The following CCDC59 variants were observed in gnomAD, a reference collection of about 807,000 sequenced individuals.
The protein encoded by CCDC59 is coiled-coil domain containing 59, also known as thyroid transcription factor 1-associated protein 26.
A neutral mutation model predicts 30.5 loss-of-function variants in CCDC59; 27 were observed. That is an observed-to-expected ratio of 0.89 (90% CI 0.65 to 1.22). The LOEUF (loss-of-function observed/expected upper bound fraction) is 1.22, where lower values mean the gene tolerates loss of function less well. CCDC59 is among the 50% of genes most tolerant of loss of function. The pLI is 0.00. For synonymous variants in CCDC59, 125 were observed against 100.9 expected (o/e 1.24, Z -1.43); for missense variants, 362 against 284.4 (o/e 1.27, Z -1.96).
upstream of CCDC59, chr12:82,358,514 T>A (rs1339325647): frequency 6.3e-6 from 10 of 1,598,288 alleles, no homozygotes; most frequent in South Asian, 1.1e-5. Context: ...TGGGCCGAGC[T>A]GGCGCCTCAC....
intron 3 of CCDC59, among the ~76,000 whole-genome samples, chr12:82,353,925 A>G (rs757277138): frequency 7.9e-5 from 12 of 152,098 alleles, no homozygotes; most frequent in Admixed American, 1.3e-4. Flanking sequence ...GCTGTGGGTA[A>G]TTCTGTATTC....
In CCDC59 at chr12:82,354,432, A is replaced by G. The variant is rs1880937144; in HGVS notation, c.564+63T>C. 7.1e-6 allele frequency: 9 copies of G among 1,268,914 alleles called. 1 individual carries two copies. The highest frequency in any genetic ancestry group is 1.5e-5 in the African/African-American group (1 of 65,354). The allele number at this position is 1,268,914 out of a possible 1,614,324, so 78.6% of individuals were successfully genotyped here. ...CCCAGCACCAAGAAGCACAACAGGTATAGTATATATATTTAGGATAAATAA... is the reference window on the plus strand; with the variant it reads ...CCCAGCACCAAGAAGCACAACAGGTGTAGTATATATATTTAGGATAAATAA... On this transcript the variant is annotated intron_variant, in intron 3 of 3. Transcript: ENST00000256151.
At position 82,352,998 on chromosome 12, in the gene CCDC59, ATTT is replaced by A. The variant is rs1880873397; in HGVS notation, c.*150_*152del. The A allele has an allele frequency of 2.8e-5, 16 of 575,842 alleles. No individual in the cohort carries two copies. The East Asian group carries it at 4.9e-4, about 18-fold the overall frequency. The allele number at this position is 575,842 out of a possible 1,614,324, so 35.7% of individuals were successfully genotyped here. A position where few individuals can be genotyped will look rare whatever the true frequency, so the allele number is the denominator to read the frequency against. ...GAAACATGTAGAACATATTTAGAAAATTTTTTACCATAATAAAAATATGTGAAC... is the reference window on the plus strand; with the variant it reads ...GAAACATGTAGAACATATTTAGAAAATTTACCATAATAAAAATATGTGAAC... On this transcript the variant is annotated 3_prime_UTR_variant, in exon 4 of 4. Coordinates refer to ENST00000256151, the MANE Select transcript of CCDC59 (RefSeq NM_014167.5).
At chr12:82,358,486 A>C, upstream of CCDC59, 1 of 1,596,926 alleles carries the variant, frequency 6.3e-7, no homozygotes, top group Non-Finnish European at 8.5e-7. Context: ...AGCTCTACTG[A>C]GCCTGCCTGT....
rs148798374 is a variant in CCDC59, at chr12:82,358,255, T to C, written c.122A>G (p.His41Arg). The change falls in exon 1 of 4, where the codon CAC (histidine) becomes CGC (arginine). Residue 41 changes from histidine to arginine, a missense_variant. By Grantham distance (29) the His-to-Arg change is conservative. Transcript: ENST00000256151. ...NVRQKTWRPN[H>R]PQAFVGSVRE... The stretch of plus-strand genomic sequence containing the variant: ...AACGCTCCCCACGAAGGCTTGCGGG[T>C]GGTTAGGCCGCCATGTCTTCTGTCT... The C allele has an allele frequency of 3.9e-4, 636 of 1,614,108 alleles. 4 individuals carry two copies. In the African/African-American group the frequency reaches 7.6e-3, roughly 19 times the overall value.
At chr12:82,354,402 G>T in intron 3 of CCDC59, 93 bp downstream of exon 3, 2 of 881,610 alleles carry the variant, frequency 2.3e-6, no homozygotes, top group Non-Finnish European at 3.3e-6. Context: ...AGAGAATACT[G>T]TGTGCCCAGC....
Position 82,358,241 on chromosome 12 carries a change from C to T in CCDC59, c.136G>A (p.Val46Met). 3 of 1,614,252 alleles carry T rather than the reference C, an allele frequency of 1.9e-6. No individual in the cohort carries two copies. Among genetic ancestry groups the T allele is most frequent in the Non-Finnish European group, 2.5e-6 (3 of 1,180,054 alleles). ...TACATACCCTCGCGAACGCTCCCCA[C>T]GAAGGCTTGCGGGTGGTTAGGCCGC... Reference protein sequence around the residue: ...TWRPNHPQAFVGSVREGQGFA... With the variant: ...TWRPNHPQAFMGSVREGQGFA... Residue 46 changes from valine (V) to methionine (M), a missense_variant, in exon 1 of 4, where the codon GTG becomes ATG. Physicochemically the swap from Val to Met is conservative, Grantham distance 21. Coordinates refer to ENST00000256151, the MANE Select transcript of CCDC59 (RefSeq NM_014167.5).
intron 2 of CCDC59, chr12:82,355,224 G>C (rs1221312299): frequency 6.6e-6 from 1 of 152,304 alleles, no homozygotes; most frequent in Non-Finnish European, 1.5e-5. Context: ...CCAGAGACCT[G>C]TCCTCAGTCC....
upstream of CCDC59, chr12:82,358,740 C>T (rs756821288): frequency 2.5e-6 from 4 of 1,614,122 alleles, no homozygotes; most frequent in Admixed American, 1.7e-5. Flanking sequence ...GGAGACAGTG[C>T]TGGCTGCGCT....
chr12:82,354,491 T>A lies in CCDC59; in HGVS notation c.564+4A>T. 6.4e-7 allele frequency: 1 copy of A among 1,574,626 alleles called. No individual in the cohort carries two copies. The highest frequency in any genetic ancestry group is 8.6e-7 in the Non-Finnish European group (1 of 1,157,134). On this transcript the variant is annotated splice_donor_region_variant and intron_variant, in intron 3 of 3. Coordinates refer to ENST00000256151, the MANE Select transcript of CCDC59 (RefSeq NM_014167.5). ...ATACTAAATATTTTCAAAGTAGAACTTACTTGTTTCTTAGCAGCACGTTTG... is the reference window on the plus strand; with the variant it reads ...ATACTAAATATTTTCAAAGTAGAACATACTTGTTTCTTAGCAGCACGTTTG...
Position 82,353,044 on chromosome 12 carries a change from G to A in CCDC59, c.*107C>T. The A allele has an allele frequency of 1.2e-6, 1 of 817,220 alleles. No individual in the cohort carries two copies. Among genetic ancestry groups the A allele is most frequent in the Non-Finnish European group, 1.9e-6 (1 of 527,622 alleles). The allele number at this position is 817,220 out of a possible 1,614,324, so 50.6% of individuals were successfully genotyped here. A position where few individuals can be genotyped will look rare whatever the true frequency, so the allele number is the denominator to read the frequency against. The stretch of plus-strand genomic sequence containing the variant: ...ATGTGAACATCTTATATTTAGCATA[G>A]TTTAGCAATCCAGTTTATGTCGACA... On this transcript the variant is annotated 3_prime_UTR_variant, in exon 4 of 4. Transcript: ENST00000256151.
At chr12:82,353,882 CCA>C (rs796098011) in intron 3 of CCDC59, among the ~76,000 whole-genome samples, 10 of 152,076 alleles carry the variant, frequency 6.6e-5, no homozygotes, top group African/African-American at 2.2e-4. Context: ...ACAAGAACTA[CCA>C]CAGTTACAAC....
At chr12:82,355,399 T>C (rs1334543639) in intron 2 of CCDC59, 8 of 152,198 alleles carry the variant, frequency 5.3e-5, no homozygotes, top group Non-Finnish European at 8.8e-5. Context: ...ACTGAGTGTT[T>C]GCTTTAAGTG....
intron 3 of CCDC59, among the ~76,000 whole-genome samples, chr12:82,354,159 G>A (rs1880925599): frequency 6.6e-6 from 1 of 151,942 alleles, no homozygotes; most frequent in African/African-American, 2.4e-5. Flanking sequence ...TGGTTCTCAA[G>A]TTTTATCATA....
At position 82,357,275 on chromosome 12, in the gene CCDC59, T is replaced by C. The variant is rs1353498896; in HGVS notation, c.155-6A>G. ...TCGAAAAGCAAAGCCTTGTCCTACA[T>C]TGAGGAATATCATCCAAAATTACTT... is the stretch of plus-strand genomic sequence containing the variant. On this transcript the variant is annotated splice_region_variant and splice_polypyrimidine_tract_variant and intron_variant, in intron 1 of 3. Coordinates refer to ENST00000256151, the MANE Select transcript of CCDC59 (RefSeq NM_014167.5). 2 of 1,481,012 alleles carry C rather than the reference T, an allele frequency of 1.4e-6. No individual in the cohort carries two copies. Among genetic ancestry groups the C allele is most frequent in the African/African-American group, 3.9e-5 (2 of 50,700 alleles). The allele number at this position is 1,481,012 out of a possible 1,614,324, so 91.7% of individuals were successfully genotyped here.
intron 2 of CCDC59, chr12:82,356,735 C>A: frequency 2.6e-6 from 1 of 386,872 alleles, no homozygotes; most frequent in South Asian, 5.2e-5. Context: ...ACCCAAATTC[C>A]AGAGCTCTTA....
Position 82,358,253 on chromosome 12 carries a change from G to T in CCDC59, c.124C>A (p.Pro42Thr). The change falls in exon 1 of 4, where the codon CCG (proline) becomes ACG (threonine). Residue 42 changes from proline (P) to threonine (T), a missense_variant. By Grantham distance (38) the Pro-to-Thr change is conservative. Coordinates refer to ENST00000256151, the MANE Select transcript of CCDC59 (RefSeq NM_014167.5). The part of the protein sequence containing the change: ...VRQKTWRPNH[P>T]QAFVGSVREG... ...CGAACGCTCCCCACGAAGGCTTGCG[G>T]GTGGTTAGGCCGCCATGTCTTCTGT... The T allele has an allele frequency of 1.2e-6, 2 of 1,614,180 alleles. No homozygotes were observed. The highest frequency in any genetic ancestry group is 1.1e-5 in the South Asian group (1 of 91,076).
chr12:82,357,249 T>G lies in CCDC59; in HGVS notation c.175A>C (p.Arg59=), dbSNP rs756700518. The G allele has an allele frequency of 3.7e-6, 6 of 1,611,482 alleles. No homozygotes were observed. The East Asian group carries it at 1.3e-4, about 36-fold the overall frequency. The change falls in exon 2 of 4, where the codon AGA becomes CGA. Residue 59 remains arginine (R), a synonymous_variant. Coordinates refer to ENST00000256151, the MANE Select transcript of CCDC59 (RefSeq NM_014167.5). ...VREGQGFAFR[R]KLKIQQSYKK... is the part of the protein sequence containing the mutation. Reference sequence around the variant, plus strand: ...TAACTTTGCTGTATTTTCAGTTTTCTTCGAAAAGCAAAGCCTTGTCCTACA... The same window carrying G: ...TAACTTTGCTGTATTTTCAGTTTTCGTCGAAAAGCAAAGCCTTGTCCTACA...
At chr12:82,357,897 CCT>C (rs1313415999) in intron 1 of CCDC59, among the ~76,000 whole-genome samples, 1 of 152,316 alleles carries the variant, frequency 6.6e-6, no homozygotes, top group African/African-American at 2.4e-5. Flanking sequence ...GCCCTGTCCT[CCT>C]CTCTATCCTT....
Sources: allele counts gnomAD v4.1 joint callset (sites outside exome capture counted in the v4.1 genomes callset), GRCh38; gene constraint gnomAD v4.1.1; transcripts MANE v1.5; gene names NCBI Gene and HGNC (gene_info 2026-07-23, HGNC 2026-07-21).